The following TTF1 variants were observed in gnomAD, a reference collection of about 807,000 sequenced individuals.
The protein encoded by TTF1 is transcription termination factor 1, also known as transcription termination factor, RNA polymerase I.
A neutral mutation model predicts 80.2 loss-of-function variants in TTF1; 64 were observed. The observed-to-expected ratio is 0.80, with a 90% confidence interval of 0.65 to 0.98. TTF1 has a LOEUF of 0.98. TTF1 is among the 50% of genes least tolerant of loss of function. The probability of loss-of-function intolerance (pLI) is 0.00; values close to 1 mark genes in which losing one functional copy is unlikely to be tolerated. For missense variants in TTF1, 1,023 were observed against 1,086.2 expected (o/e 0.94, Z 0.82); for synonymous variants, 372 against 382.7 (o/e 0.97, Z 0.33).
chr9:132,406,575 C>T (rs1849871392), intron 1 of TTF1, among the ~76,000 whole-genome samples: 1 of 150,628 alleles, frequency 6.6e-6, no homozygotes, highest in Admixed American at 6.6e-5. Context: ...GCACTCCAGC[C>T]TGGGCGACAA....
chr9:132,386,989 G>A (rs921426769), intron 8 of TTF1, among the ~76,000 whole-genome samples: 2 of 152,084 alleles, frequency 1.3e-5, no homozygotes, highest in East Asian at 1.9e-4. Context: ...ACAGGGTCTC[G>A]CTCTGTCACC....
intron 1 of TTF1, among the ~76,000 whole-genome samples, chr9:132,404,772 C>G (rs1033361644): frequency 6.6e-6 from 1 of 152,190 alleles, no homozygotes; most frequent in African/African-American, 2.4e-5. Context: ...CCACTGAGAC[C>G]GTTCCAGCAA....
At chr9:132,379,203 T>C in intron 9 of TTF1, 59 bp from the exon 10 acceptor site, 1 of 1,262,938 alleles carries the variant, frequency 7.9e-7, no homozygotes, top group Non-Finnish European at 1.1e-6. Context: ...ATCATTTCAA[T>C]ACAGTGTAGT....
At chr9:132,391,916 G>A (rs142988522) in intron 6 of TTF1, among the ~76,000 whole-genome samples, 160 bp downstream of exon 6, 5 of 152,206 alleles carry the variant, frequency 3.3e-5, no homozygotes, top group South Asian at 2.1e-4. Context: ...CTAAACACAC[G>A]AGGAAACCAA....
At chr9:132,391,822 G>C (rs531229306) in intron 6 of TTF1, among the ~76,000 whole-genome samples, 2 of 152,304 alleles carry the variant, frequency 1.3e-5, no homozygotes, top group South Asian at 2.1e-4. Context: ...TTGGGGTCCT[G>C]GTCCACTTGG....
chr9:132,377,250 T>TGTGTGAGTGCATGCGTGTG (rs1849205021), intron 10 of TTF1, among the ~76,000 whole-genome samples: 1 of 121,570 alleles, frequency 8.2e-6, no homozygotes, highest in South Asian at 2.7e-4. Flanking sequence ...GCATGTGGTG[T>TGTGTGAGTGCATGCGTGTG]GTGTGAGTGC....
rs12339573 is a variant in TTF1 at position 132,390,127 on chromosome 9, G to A, written c.2222+470C>T. Among the ~76,000 whole-genome samples, 1,362 of 152,196 alleles carry A rather than the reference G, an allele frequency of 8.9e-3. 20 individuals carry two copies. The highest frequency in any genetic ancestry group is 0.031 in the African/African-American group (1,299 of 41,550). Reference sequence around the variant, plus strand: ...AGTAGCTGGGACTACTGGTGGCTGTGAGCCACCACACTTGGCTAATTTTTG... The same window carrying A: ...AGTAGCTGGGACTACTGGTGGCTGTAAGCCACCACACTTGGCTAATTTTTG... On this transcript the variant is annotated intron_variant, in intron 7 of 10. Transcript: ENST00000334270.
At chr9:132,382,295 G>A (rs1393926004) in intron 9 of TTF1, among the ~76,000 whole-genome samples, 1 of 152,122 alleles carries the variant, frequency 6.6e-6, no homozygotes, top group African/African-American at 2.4e-5. Flanking sequence ...AGCTTAAAGA[G>A]GAACAGGATC....
intron 10 of TTF1, 139 bp downstream of exon 10, chr9:132,378,920 T>A (rs1242275811): frequency 5.1e-6 from 3 of 592,990 alleles, no homozygotes; most frequent in Non-Finnish European, 8.7e-6. Flanking sequence ...AGATAGGGAT[T>A]ATAATCTGCC....
intron 10 of TTF1, among the ~76,000 whole-genome samples, chr9:132,376,436 G>C (rs1849177783): frequency 1.3e-5 from 2 of 152,112 alleles, no homozygotes; most frequent in Non-Finnish European, 2.9e-5. Context: ...AATTCATAAG[G>C]ATTCAAACTC....
intron 3 of TTF1, 22 bp downstream of exon 3, chr9:132,400,013 C>T: frequency 6.2e-7 from 1 of 1,613,508 alleles, no homozygotes; most frequent in Non-Finnish European, 8.5e-7. Flanking sequence ...GTTCAACAAA[C>T]ACTAAGGCCC....
At chr9:132,383,571 G>A (rs971343590) in intron 9 of TTF1, among the ~76,000 whole-genome samples, 2 of 152,102 alleles carry the variant, frequency 1.3e-5, no homozygotes, top group African/African-American at 4.8e-5. Flanking sequence ...AAGGGGATGC[G>A]GGGTTCTTTC....
chr9:132,392,376 A>C (rs551239171), intron 5 of TTF1, among the ~76,000 whole-genome samples, 170 bp from the exon 6 acceptor site: 2 of 152,220 alleles, frequency 1.3e-5, no homozygotes, highest in East Asian at 3.9e-4. Flanking sequence ...TGGTCATCCT[A>C]TCAATCAATC....
At chr9:132,404,698 T>C (rs1459428349) in intron 1 of TTF1, among the ~76,000 whole-genome samples, 2 of 152,130 alleles carry the variant, frequency 1.3e-5, no homozygotes, top group Non-Finnish European at 2.9e-5. Context: ...GAAATCACTC[T>C]TTCCATTACC....
chr9:132,387,268 C>G (rs965067815), intron 8 of TTF1, among the ~76,000 whole-genome samples: 2 of 152,116 alleles, frequency 1.3e-5, no homozygotes, highest in African/African-American at 4.8e-5. Flanking sequence ...CCTTAAAGTG[C>G]GCAAATTCAT....
rs528453442 is a variant in TTF1 at position 132,398,191 on chromosome 9, T to A, written c.1727A>T (p.Lys576Ile). Reference sequence around the variant, plus strand: ...CCTTTTTAAGTTGGTGATCACAGATTTTTCCTCAGGATATCTGTCCGTGTA... The same window carrying A: ...CCTTTTTAAGTTGGTGATCACAGATATTTCCTCAGGATATCTGTCCGTGTA... ...LLYTDRYPEEKSVITNLKRRY... is the reference protein window; with the variant it reads ...LLYTDRYPEEISVITNLKRRY... The change falls in exon 4 of 11, where the codon AAA (lysine) becomes ATA (isoleucine). Residue 576 changes from lysine (K) to isoleucine (I), a missense_variant. Transcript: ENST00000334270. The A allele has an allele frequency of 1.9e-6, 3 of 1,589,984 alleles. No individual in the cohort carries two copies. Among genetic ancestry groups the A allele is most frequent in the Admixed American group, 1.9e-5 (1 of 51,706 alleles).
Position 132,402,363 on chromosome 9 carries a change from T to C in TTF1, c.459A>G (p.Ala153=), listed in dbSNP as rs781076182. 36 of 1,614,100 alleles carry C rather than the reference T, an allele frequency of 2.2e-5. No homozygotes were observed. The highest frequency in any genetic ancestry group is 1.7e-6 in the Non-Finnish European group (2 of 1,180,044). ...DKFQVLAKSH[A]HKSEALHSKV... is the part of the protein sequence containing the mutation. ...TACTGTGCAGGGCTTCTGATTTATG[T>C]GCATGTGACTTAGCAAGTACCTGAA... Residue 153 remains alanine (A), a synonymous_variant, in exon 2 of 11, where the codon GCA becomes GCG. Transcript: ENST00000334270.
chr9:132,399,892 G>C, intron 3 of TTF1, 143 bp downstream of exon 3: 2 of 898,796 alleles, frequency 2.2e-6, no homozygotes, highest in Non-Finnish European at 3.4e-6. Flanking sequence ...TTACAGCTTG[G>C]ACAATTCTGG....
chr9:132,403,785 C>G (rs908831505), intron 1 of TTF1, among the ~76,000 whole-genome samples: 25 of 152,192 alleles, frequency 1.6e-4, no homozygotes, highest in African/African-American at 5.8e-4. Flanking sequence ...AGTGCAGGAT[C>G]CACAAAAGGG....
Sources: allele counts gnomAD v4.1 joint callset (sites outside exome capture counted in the v4.1 genomes callset), GRCh38; gene constraint gnomAD v4.1.1; transcripts MANE v1.5; gene names NCBI Gene and HGNC (gene_info 2026-07-23, HGNC 2026-07-21).